XRCC4: variants seen among roughly 807,000 people sequenced by gnomAD.
XRCC4 encodes the protein X-ray repair cross complementing 4, also known as DNA repair protein XRCC4.
XRCC4 carries 28 observed loss-of-function variants against 39.1 expected under a neutral mutation model. The ratio of observed to expected loss-of-function variants is 0.72; its 90% CI spans 0.53 to 0.98. XRCC4 has a LOEUF of 0.98. XRCC4 is among the 50% of genes least tolerant of loss of function. XRCC4 has a pLI of 0.00. For missense variants in XRCC4, 350 were observed against 376.4 expected, an observed-to-expected ratio of 0.93 and a Z score of 0.58; for synonymous variants, 123 against 126.4, an observed-to-expected ratio of 0.97 and a Z score of 0.18.
At chr5:83,130,657 G>C (rs1747525800) in intron 3 of XRCC4, among the ~76,000 whole-genome samples, 1 of 152,048 alleles carries the variant, frequency 6.6e-6, no homozygotes, top group Non-Finnish European at 1.5e-5. Flanking sequence ...ACCTGTTATT[G>C]GTCTATTCAG....
intron 7 of XRCC4, among the ~76,000 whole-genome samples, chr5:83,266,022 G>T (rs185326462): frequency 1.0e-3 from 157 of 151,974 alleles, no homozygotes; most frequent in African/African-American, 3.5e-3. Flanking sequence ...GGGATTTATC[G>T]TATGTTTCCT....
At position 83,242,992 on chromosome 5, in the gene XRCC4, A is replaced by G. The variant is rs1362592112; in HGVS notation, c.746-15538A>G. On this transcript the variant is annotated intron_variant, in intron 6 of 7. Coordinates refer to ENST00000396027, the MANE Select transcript of XRCC4 (RefSeq NM_003401.5). ...CTTAAACTAATTTCTATAACACCACATTGCTATTTAGATTTTCAATTATGA... is the reference window on the plus strand; with the variant it reads ...CTTAAACTAATTTCTATAACACCACGTTGCTATTTAGATTTTCAATTATGA... 2.0e-5 allele frequency among the ~76,000 whole-genome samples: 3 copies of G among 152,142 alleles called. No individual in the cohort carries two copies. The East Asian group carries it at 5.8e-4, about 29-fold the overall frequency.
intron 6 of XRCC4, among the ~76,000 whole-genome samples, chr5:83,233,963 C>T (rs1752594833): frequency 6.6e-6 from 1 of 150,914 alleles, no homozygotes; most frequent in African/African-American, 2.4e-5. Flanking sequence ...ATAGACAGCA[C>T]AGTTATTTAC....
intron 7 of XRCC4, among the ~76,000 whole-genome samples, chr5:83,347,393 T>G (rs141612700): frequency 1.3e-5 from 2 of 152,286 alleles, no homozygotes; most frequent in Non-Finnish European, 2.9e-5. Flanking sequence ...TGCAGGCTTA[T>G]GCTGCTGGGG....
At chr5:83,107,081 C>T (rs1205969727) in intron 2 of XRCC4, among the ~76,000 whole-genome samples, 1 of 151,904 alleles carries the variant, frequency 6.6e-6, no homozygotes, top group Non-Finnish European at 1.5e-5. Context: ...GTTTCCTGTA[C>T]CAAACAAGCT....
rs10036673 is a variant in XRCC4 at position 83,225,324 on chromosome 5, C to T, written c.745+20403C>T. 6.6e-3 allele frequency among the ~76,000 whole-genome samples: 1,002 copies of T among 152,036 alleles called. 11 individuals carry two copies. Among genetic ancestry groups the T allele is most frequent in the African/African-American group, 0.023 (954 of 41,500 alleles). ...TCTAGTTCCTTCTATCTTCATGATG[C>T]GGCTGGGTGTGGGCATTTACTTTTT... On this transcript the variant is annotated intron_variant, in intron 6 of 7. Coordinates refer to ENST00000396027, the MANE Select transcript of XRCC4 (RefSeq NM_003401.5).
At chr5:83,230,670 T>C (rs187111773) in intron 6 of XRCC4, among the ~76,000 whole-genome samples, 1 of 152,122 alleles carries the variant, frequency 6.6e-6, no homozygotes, top group East Asian at 1.9e-4. Context: ...ATAGCATATG[T>C]TACAAGGAGT....
intron 3 of XRCC4, among the ~76,000 whole-genome samples, chr5:83,142,677 T>TG (rs1023147688): frequency 1.5e-4 from 17 of 111,976 alleles, no homozygotes; most frequent in African/African-American, 5.4e-4. Context: ...GTGAGTCTCC[T>TG]GTTTTTTTTG....
At chr5:83,348,809 A>G (rs1756996186) in intron 7 of XRCC4, among the ~76,000 whole-genome samples, 1 of 152,214 alleles carries the variant, frequency 6.6e-6, no homozygotes, top group Non-Finnish European at 1.5e-5. Flanking sequence ...CCTTTTAAAT[A>G]TAAGTTCCAA....
intron 7 of XRCC4, among the ~76,000 whole-genome samples, chr5:83,352,745 A>G (rs1246138082): frequency 6.6e-6 from 1 of 152,204 alleles, no homozygotes; most frequent in Non-Finnish European, 1.5e-5. Context: ...AATGCATGTT[A>G]ATCAGTAGAA....
intron 3 of XRCC4, among the ~76,000 whole-genome samples, chr5:83,155,271 A>G (rs186782061): frequency 2.6e-5 from 4 of 152,286 alleles, no homozygotes; most frequent in Non-Finnish European, 4.4e-5. Context: ...AGGACTACTC[A>G]TCAGATTCTT....
chr5:83,142,145 GT>G (rs1327992714), intron 3 of XRCC4, among the ~76,000 whole-genome samples: 27 of 152,226 alleles, frequency 1.8e-4, no homozygotes, highest in Admixed American at 1.7e-3. Context: ...TCAGGGCCTT[GT>G]TGTCATATTT....
intron 3 of XRCC4, among the ~76,000 whole-genome samples, chr5:83,120,507 T>C (rs1390026810): frequency 4.6e-5 from 7 of 152,246 alleles, no homozygotes; most frequent in Non-Finnish European, 1.0e-4. Context: ...AGATCAGCTT[T>C]ACATGTTTTA....
intron 4 of XRCC4, among the ~76,000 whole-genome samples, chr5:83,202,459 C>T (rs535061535): frequency 5.3e-5 from 8 of 152,094 alleles, no homozygotes; most frequent in South Asian, 2.1e-4. Flanking sequence ...TCCTATGATA[C>T]GTTCTAATTC....
intron 7 of XRCC4, among the ~76,000 whole-genome samples, chr5:83,327,353 T>C (rs1756296846): frequency 6.6e-6 from 1 of 152,078 alleles, no homozygotes; most frequent in Non-Finnish European, 1.5e-5. Context: ...TTTTTCCATG[T>C]AGAAATATAT....
chr5:83,320,195 T>C lies in XRCC4; in HGVS notation c.894-32936T>C, dbSNP rs1438613434. Among the ~76,000 whole-genome samples, 213 of 111,836 alleles carry C rather than the reference T, an allele frequency of 1.9e-3. 3 individuals carry two copies. In the Admixed American group the frequency reaches 0.022, roughly 12 times the overall value. 73.4% of individuals were successfully genotyped at this position (111,836 alleles called of 152,430 possible). A position where few individuals can be genotyped will look rare whatever the true frequency, so the allele number is the denominator to read the frequency against. On this transcript the variant is annotated intron_variant, in intron 7 of 7. Coordinates refer to ENST00000396027, the MANE Select transcript of XRCC4 (RefSeq NM_003401.5). ...ACACAGGAAGGGGAATATCACACTC[T>C]GGGGACTGTTGTGGGGTCGGGGGAG...
intron 7 of XRCC4, among the ~76,000 whole-genome samples, chr5:83,336,443 G>A (rs1756597995): frequency 6.6e-6 from 1 of 151,888 alleles, no homozygotes; most frequent in Non-Finnish European, 1.5e-5. Context: ...TTCTTGGTTG[G>A]TTATTGATTG....
chr5:83,265,707 T>A (rs960386811), intron 7 of XRCC4, among the ~76,000 whole-genome samples: 10 of 152,186 alleles, frequency 6.6e-5, no homozygotes, highest in Non-Finnish European at 1.0e-4. Context: ...ATGTATTCTG[T>A]ATTAAACACA....
chr5:83,370,235 C>G, the XRCC4 span, among the ~76,000 whole-genome samples: 1 of 152,062 alleles, frequency 6.6e-6, no homozygotes, highest in Non-Finnish European at 1.5e-5. Context: ...GTCACAAGAC[C>G]TCTGATGCTA....
Sources: gnomAD v4.1 joint callset for allele counts (sites outside exome capture counted in the v4.1 genomes callset) on GRCh38, gnomAD v4.1.1 for gene constraint, MANE v1.5 for transcripts, NCBI Gene and HGNC (gene_info 2026-07-23, HGNC 2026-07-21) for gene names.